The following ZNRF3 variants were observed in gnomAD, a reference collection of about 807,000 sequenced individuals.
ZNRF3 encodes zinc and ring finger 3.
Under a neutral mutation model 72.5 loss-of-function variants are expected in ZNRF3, and 23 were observed. That is an observed-to-expected ratio of 0.32 (90% confidence interval 0.23 to 0.45). The LOEUF (loss-of-function observed/expected upper bound fraction) is 0.45. Among genes scored for constraint, ZNRF3 ranks in the 20% least tolerant of loss-of-function variants. ZNRF3 has a pLI of 1.00. For missense variants in ZNRF3, 1,169 were observed against 1,272.1 expected (o/e 0.92, Z 1.23); for synonymous variants, 610 against 545.3 (o/e 1.12, Z -1.65).
chr22:29,016,014 C>CAAAAAAAAAA (rs34796724), intron 2 of ZNRF3, among the ~76,000 whole-genome samples: 1 of 102,460 alleles, frequency 9.8e-6, no homozygotes, highest in African/African-American at 3.8e-5. Flanking sequence ...GAAACTGTCT[C>CAAAAAAAAAA]AAAAAAAAAA....
At chr22:28,908,285 C>G (rs2034249366) in intron 1 of ZNRF3, among the ~76,000 whole-genome samples, 1 of 152,152 alleles carries the variant, frequency 6.6e-6, no homozygotes, top group Admixed American at 6.5e-5. Context: ...TTCCAAAGAA[C>G]CCTCAACAAC....
At chr22:28,971,092 G>A (rs12484367) in intron 1 of ZNRF3, among the ~76,000 whole-genome samples, 1 of 152,324 alleles carries the variant, frequency 6.6e-6, no homozygotes, top group South Asian at 2.1e-4. Context: ...GGGAGGCTAA[G>A]GTGGAAGGAC....
chr22:29,049,557 C>G lies in ZNRF3; in HGVS notation c.1376C>G (p.Ala459Gly). Residue 459 changes from alanine to glycine, a missense_variant, in exon 8 of 9, where the codon GCA becomes GGA. Around this residue, in one of 2 missense-constraint regions of ZNRF3, gnomAD observed 783 missense variants for 731.4 expected, o/e 1.07. Transcript: ENST00000544604. This position sits in a 1 kb window ranked among gnomAD's most constrained non-coding sequence, Gnocchi z 5.2. ...TTGAGTGGCCGCAGCTTCTCCAAGG[C>G]AGCTTGCTTCTCCCAGTATGAGACC... ...PKLSGRSFSK[A>G]ACFSQYETMY... 6.2e-7 allele frequency: 1 copy of G among 1,604,410 alleles called. No homozygotes were observed. The highest frequency in any genetic ancestry group is 2.2e-5 in the East Asian group (1 of 44,786).
chr22:28,952,499 T>TTTG (rs1555973244), intron 1 of ZNRF3, among the ~76,000 whole-genome samples: 2 of 151,694 alleles, frequency 1.3e-5, no homozygotes, highest in African/African-American at 4.8e-5. Context: ...TTCCATGTTT[T>TTTG]TTTTTTTTTT....
intron 2 of ZNRF3, among the ~76,000 whole-genome samples, chr22:29,029,990 T>G (rs1434429867): frequency 6.6e-6 from 1 of 152,204 alleles, no homozygotes; most frequent in Non-Finnish European, 1.5e-5. Flanking sequence ...TGGCCTGAAG[T>G]GGGACTTCTG....
chr22:28,973,596 A>G (rs908492395), intron 1 of ZNRF3, among the ~76,000 whole-genome samples: 4 of 152,206 alleles, frequency 2.6e-5, no homozygotes, highest in Non-Finnish European at 5.9e-5. Flanking sequence ...AGCATAGCAC[A>G]GCATCATCAG....
At chr22:28,898,459 C>T (rs1251750030) in intron 1 of ZNRF3, among the ~76,000 whole-genome samples, 1 of 152,194 alleles carries the variant, frequency 6.6e-6, no homozygotes, top group African/African-American at 2.4e-5. Flanking sequence ...GTGTGCCTGC[C>T]CTGGGAACAT....
chr22:29,051,280 C>G (rs1442064625), intron 8 of ZNRF3, among the ~76,000 whole-genome samples: 2 of 152,060 alleles, frequency 1.3e-5, no homozygotes, highest in Non-Finnish European at 2.9e-5. Context: ...GCTCATGCCT[C>G]TAATCTTGGC....
intron 1 of ZNRF3, among the ~76,000 whole-genome samples, chr22:28,884,889 C>G (rs1484368824): frequency 6.6e-6 from 1 of 152,192 alleles, no homozygotes; most frequent in African/African-American, 2.4e-5. Flanking sequence ...GAGGGACTCT[C>G]AACTGAAGCT....
chr22:28,957,526 G>A (rs189348460), intron 1 of ZNRF3, among the ~76,000 whole-genome samples: 2 of 152,084 alleles, frequency 1.3e-5, no homozygotes, highest in African/African-American at 2.4e-5. Context: ...TGCAACCTCC[G>A]CCTTCCAGGT....
chr22:28,883,917 G>T lies in ZNRF3; in HGVS notation c.151G>T (p.Gly51Cys). ...LGLLLAAAGP[G>C]AARAKETAFV... ...GCTGCTGCTGGCGGCCGCGGGGCCC[G>T]GCGCGGCGCGGGCCAAGGAGACGGC... The change falls in exon 1 of 9, where the codon GGC becomes TGC. Residue 51 changes from glycine (G) to cysteine (C), a missense_variant. Around this residue, in one of 2 missense-constraint regions of ZNRF3, gnomAD observed 386 missense variants for 540.7 expected, o/e 0.71. Transcript: ENST00000544604. The surrounding 1 kb of genome is among the most constrained non-coding windows in gnomAD (Gnocchi z 5.5). 2 of 1,173,952 alleles carry T rather than the reference G, an allele frequency of 1.7e-6. No individual in the cohort carries two copies. The highest frequency in any genetic ancestry group is 2.0e-5 in the South Asian group (1 of 50,474). 72.7% of individuals were successfully genotyped at this position (1,173,952 alleles called of 1,614,324 possible). A position where few individuals can be genotyped will look rare whatever the true frequency, so the allele number is the denominator to read the frequency against.
In ZNRF3 at chr22:29,048,457, C is replaced by A. The variant is rs55775472; in HGVS notation, c.981C>A (p.His327Gln). 7,182 of 1,614,178 alleles carry A rather than the reference C, an allele frequency of 4.4e-3. 42 individuals carry two copies. The highest frequency in any genetic ancestry group is 0.021 in the Middle Eastern group (130 of 6,062). ...GCGTGGACCCCTGGCTGCTGCAGCACCACACCTGCCCCCACTGTCGGCACA... is the reference window on the plus strand; with the variant it reads ...GCGTGGACCCCTGGCTGCTGCAGCAACACACCTGCCCCCACTGTCGGCACA... ...RKCVDPWLLQ[H>Q]HTCPHCRHNI... Residue 327 changes from histidine to glutamine, a missense_variant, in exon 7 of 9, where the codon CAC (histidine) becomes CAA (glutamine). Transcript: ENST00000544604. This position sits in a 1 kb window ranked among gnomAD's most constrained non-coding sequence, Gnocchi z 4.9.
chr22:28,890,938 G>GT (rs1353234684), intron 1 of ZNRF3, among the ~76,000 whole-genome samples: 1 of 151,886 alleles, frequency 6.6e-6, no homozygotes, highest in Non-Finnish European at 1.5e-5. Context: ...TTTATTTTTT[G>GT]TAGGTATAGG....
In ZNRF3 at chr22:29,049,979, C is replaced by T; in HGVS notation, c.1798C>T (p.Arg600Cys). The T allele has an allele frequency of 6.2e-7, 1 of 1,612,228 alleles. No homozygotes were observed. Among genetic ancestry groups the T allele is most frequent in the East Asian group, 2.2e-5 (1 of 44,848 alleles). ...LSSDYDPFIY[R>C]SRSPCRASEA... ...CAGCGACTATGACCCCTTCATCTACCGCAGCCGGAGCCCCTGTCGTGCCAG... is the reference window on the plus strand; with the variant it reads ...CAGCGACTATGACCCCTTCATCTACTGCAGCCGGAGCCCCTGTCGTGCCAG... Residue 600 changes from arginine (R) to cysteine (C), a missense_variant, in exon 8 of 9, where the codon CGC (arginine) becomes TGC (cysteine). By Grantham distance (180) the Arg-to-Cys change is radical. Coordinates refer to ENST00000544604, the MANE Select transcript of ZNRF3 (RefSeq NM_001206998.2). This position sits in a 1 kb window ranked among gnomAD's most constrained non-coding sequence, Gnocchi z 5.2.
At chr22:28,994,104 C>T (rs1461290076) in intron 2 of ZNRF3, among the ~76,000 whole-genome samples, 1 of 151,212 alleles carries the variant, frequency 6.6e-6, no homozygotes, top group African/African-American at 2.4e-5. Context: ...AAGCACTAAA[C>T]CAGGTGTTGA....
At chr22:29,000,478 C>A (rs1166234403) in intron 2 of ZNRF3, among the ~76,000 whole-genome samples, 1 of 152,048 alleles carries the variant, frequency 6.6e-6, no homozygotes, top group African/African-American at 2.4e-5. Flanking sequence ...TAAACATAGT[C>A]ATTTTCTTGG....
chr22:29,032,001 G>C (rs1295342075), intron 2 of ZNRF3, among the ~76,000 whole-genome samples: 1 of 152,202 alleles, frequency 6.6e-6, no homozygotes, highest in Non-Finnish European at 1.5e-5. Flanking sequence ...AGCTGTGGTA[G>C]AATTTGCCAC....
chr22:28,947,533 C>CT (rs1421823174), intron 1 of ZNRF3, among the ~76,000 whole-genome samples: 1 of 152,226 alleles, frequency 6.6e-6, no homozygotes, highest in South Asian at 2.1e-4. Context: ...TATTTATATT[C>CT]TTTTTATTAT....
At chr22:29,017,065 C>T (rs1309302892) in intron 2 of ZNRF3, among the ~76,000 whole-genome samples, 1 of 152,200 alleles carries the variant, frequency 6.6e-6, no homozygotes, top group Admixed American at 6.5e-5. Flanking sequence ...ATTTCCATTT[C>T]CAAAGGTGAG....
Sources: allele counts gnomAD v4.1 joint callset (sites outside exome capture counted in the v4.1 genomes callset), GRCh38; gene constraint gnomAD v4.1.1; regional missense constraint gnomAD v4.1.1; non-coding constraint Gnocchi (gnomAD v3.1); transcripts MANE v1.5; gene names NCBI Gene and HGNC (gene_info 2026-07-23, HGNC 2026-07-21).